The following NFXL1 variants were observed in gnomAD, a reference collection of about 807,000 sequenced individuals.
NFXL1 encodes NF-X1-type zinc finger protein NFXL1.
Under a neutral mutation model 123.3 loss-of-function variants are expected in NFXL1, and 66 were observed. The observed-to-expected ratio is 0.54, with a 90% CI of 0.44 to 0.66. The LOEUF (loss-of-function observed/expected upper bound fraction) is 0.66, where lower values mean the gene tolerates loss of function less well. NFXL1 is among the 30% of genes least tolerant of loss of function. The pLI, the probability that NFXL1 is intolerant of heterozygous loss-of-function variation, is 0.00. For synonymous variants in NFXL1, 346 were observed against 360.8 expected, an observed-to-expected ratio of 0.96 and a Z score of 0.46; for missense variants, 944 against 1,125.6, an observed-to-expected ratio of 0.84 and a Z score of 2.31.
intron 18 of NFXL1, among the ~76,000 whole-genome samples, chr4:47,869,351 G>A (rs747835729): frequency 6.6e-6 from 1 of 152,090 alleles, no homozygotes; most frequent in Non-Finnish European, 1.5e-5. Context: ...CTTATATCCT[G>A]ATTTTACGAT....
chr4:47,883,276 C>T (rs1736226270), intron 15 of NFXL1, among the ~76,000 whole-genome samples: 1 of 151,896 alleles, frequency 6.6e-6, no homozygotes, highest in Non-Finnish European at 1.5e-5. Context: ...GACTAAGGAA[C>T]TCAATGGTAA....
intron 12 of NFXL1, among the ~76,000 whole-genome samples, chr4:47,890,046 T>A (rs901420322): frequency 1.3e-5 from 2 of 151,960 alleles, no homozygotes; most frequent in Non-Finnish European, 2.9e-5. Context: ...CTGCTATTTT[T>A]AAAAAATAAT....
intron 9 of NFXL1, among the ~76,000 whole-genome samples, chr4:47,897,762 C>T (rs1239190579): frequency 6.6e-6 from 1 of 152,082 alleles, no homozygotes; most frequent in Non-Finnish European, 1.5e-5. Flanking sequence ...TCTCTCTCTC[C>T]CCAACCCCTG....
At chr4:47,868,083 AGGC>A (rs1160031079) in intron 18 of NFXL1, among the ~76,000 whole-genome samples, 1 of 152,228 alleles carries the variant, frequency 6.6e-6, no homozygotes, top group Non-Finnish European at 1.5e-5. Flanking sequence ...TGGGAGGCCG[AGGC>A]GGGTGGATCA....
chr4:47,908,179 G>A (rs190444432), intron 3 of NFXL1, among the ~76,000 whole-genome samples: 1 of 152,224 alleles, frequency 6.6e-6, no homozygotes, highest in African/African-American at 2.4e-5. Context: ...TGCCACTTTG[G>A]GAAGCTGAGG....
chr4:47,910,821 T>C lies in NFXL1; in HGVS notation c.406+3A>G, dbSNP rs1341698392. 4.5e-6 allele frequency: 7 copies of C among 1,547,942 alleles called. No homozygotes were observed. The highest frequency in any genetic ancestry group is 6.1e-6 in the Non-Finnish European group (7 of 1,151,326). ...CAAAAGTCAAAATTTAAAAGATCAG[T>C]ACCTGTCTGAGTAGTGTATGTTATA... On this transcript the variant is annotated splice_donor_region_variant and intron_variant, in intron 3 of 22. Coordinates refer to ENST00000507489, the MANE Select transcript of NFXL1 (RefSeq NM_001278624.2).
In NFXL1 at chr4:47,870,998, GGTTGGGAGAGCTCTTACA is replaced by G. The variant is rs533209929; in HGVS notation, c.2246+4111_2246+4128del. Among the ~76,000 whole-genome samples, 652 of 152,282 alleles carry G rather than the reference GGTTGGGAGAGCTCTTACA, an allele frequency of 4.3e-3. 5 individuals are homozygous for G. The highest frequency in any genetic ancestry group is 0.014 in the African/African-American group (581 of 41,548). On this transcript the variant is annotated intron_variant, in intron 18 of 22. Transcript: ENST00000507489. ...GGTTCATGCCAGTATTAACATACGA[GGTTGGGAGAGCTCTTACA>G]GTAAAATGTCAATTAATAAATGTAG... is the stretch of plus-strand genomic sequence containing the variant.
chr4:47,905,283 G>T lies in NFXL1; in HGVS notation c.470C>A (p.Ala157Asp), dbSNP rs778956237. 2 of 1,599,354 alleles carry T rather than the reference G, an allele frequency of 1.3e-6. No individual in the cohort carries two copies. The highest frequency in any genetic ancestry group is 2.2e-5 in the South Asian group (2 of 90,440). The change falls in exon 4 of 23, where the codon GCT becomes GAT. Residue 157 changes from alanine (A) to aspartate (D), a missense_variant. Physicochemically the swap from Ala to Asp is moderately radical, Grantham distance 126 (BLOSUM62 -2). Transcript: ENST00000507489. The part of the protein sequence containing the change: ...QYVNEAFQAG[A>D]MTCLICIASV... ...AGCAATACAAATTAGGCATGTCATA[G>T]CCCCTGCTTGAAAAGCTTCATTTAC...
At chr4:47,881,736 A>G (rs12506863) in intron 15 of NFXL1, among the ~76,000 whole-genome samples, 50,022 of 152,096 alleles carry the variant, frequency 0.33, 9,863 homozygotes, top group Non-Finnish European at 0.44. Context: ...GAGAAGACAC[A>G]GAGGAACCAT....
chr4:47,904,133 G>A (rs1737460760), intron 4 of NFXL1, among the ~76,000 whole-genome samples: 1 of 152,266 alleles, frequency 6.6e-6, no homozygotes, highest in African/African-American at 2.4e-5. Flanking sequence ...CAGGGAAAAA[G>A]AAATAACCAA....
At chr4:47,905,819 A>T (rs1206723322) in intron 3 of NFXL1, among the ~76,000 whole-genome samples, 5 of 152,154 alleles carry the variant, frequency 3.3e-5, no homozygotes, top group African/African-American at 9.7e-5. Flanking sequence ...TTGTTGAATG[A>T]AAAGACCCTG....
At chr4:47,860,149 A>G (rs900429771) in intron 19 of NFXL1, among the ~76,000 whole-genome samples, 3 of 152,206 alleles carry the variant, frequency 2.0e-5, no homozygotes, top group African/African-American at 7.2e-5. Flanking sequence ...CCATAAAAAA[A>G]TGCATATATT....
At chr4:47,884,311 T>G in intron 15 of NFXL1, 35 bp downstream of exon 15, 1 of 1,286,290 alleles carries the variant, frequency 7.8e-7, no homozygotes, top group Non-Finnish European at 1.1e-6. Flanking sequence ...AAAAGTTTTT[T>G]GTTTTTTTTT....
intron 19 of NFXL1, among the ~76,000 whole-genome samples, 174 bp from the exon 20 acceptor site, chr4:47,855,337 T>TTATATAATTTAATTATATA (rs968801691): frequency 2.7e-5 from 4 of 149,304 alleles, no homozygotes; most frequent in Non-Finnish European, 4.4e-5. Flanking sequence ...TTAATTACAC[T>TTATATAATTTAATTATATA]TATATAATTT....
intron 19 of NFXL1, among the ~76,000 whole-genome samples, chr4:47,860,168 T>G (rs192047750): frequency 1.8e-4 from 27 of 152,296 alleles, no homozygotes; most frequent in South Asian, 4.1e-4. Flanking sequence ...TTAACTCAAC[T>G]TAGTCATTCC....
At chr4:47,898,375 A>T (rs1436433437) in intron 8 of NFXL1, among the ~76,000 whole-genome samples, 1 of 152,208 alleles carries the variant, frequency 6.6e-6, no homozygotes, top group Non-Finnish European at 1.5e-5. Flanking sequence ...TCTAAGTGGC[A>T]TTAAAACCAT....
chr4:47,891,982 T>C (rs1230176269), intron 11 of NFXL1, among the ~76,000 whole-genome samples: 2 of 151,830 alleles, frequency 1.3e-5, no homozygotes, highest in African/African-American at 2.4e-5. Flanking sequence ...TAGACAAGTG[T>C]TTATTGAGTA....
chr4:47,887,971 T>C (rs6827508), intron 12 of NFXL1, among the ~76,000 whole-genome samples: 110,605 of 151,104 alleles, frequency 0.73, 40,643 homozygotes, highest in South Asian at 0.76. Context: ...TGATCCTGAA[T>C]TTAAAAAAAA....
intron 6 of NFXL1, 45 bp downstream of exon 6, chr4:47,899,325 G>T: frequency 1.3e-6 from 2 of 1,495,670 alleles, no homozygotes; most frequent in Non-Finnish European, 1.8e-6. Flanking sequence ...AATATAAGAA[G>T]AAATAATCAC....
Sources: gnomAD v4.1 joint callset for allele counts (sites outside exome capture counted in the v4.1 genomes callset) on GRCh38, gnomAD v4.1.1 for gene constraint, MANE v1.5 for transcripts, NCBI Gene and HGNC (gene_info 2026-07-23, HGNC 2026-07-21) for gene names.